The following NCAPH variants were observed in gnomAD, a reference collection of about 807,000 sequenced individuals.
NCAPH encodes the protein non-SMC condensin I complex subunit H.
In NCAPH, 38 loss-of-function variants were observed where a neutral mutation model predicts 85.5. That is an observed-to-expected ratio of 0.44 (90% CI 0.34 to 0.58). NCAPH has a LOEUF of 0.58. Among genes scored for constraint, NCAPH ranks in the 20% least tolerant of loss-of-function variants. The pLI, the probability that NCAPH is intolerant of heterozygous loss-of-function variation, is 0.01. For synonymous variants in NCAPH, 301 were observed against 335.1 expected (o/e 0.90, Z 1.11); for missense variants, 789 against 916.6 (o/e 0.86, Z 1.80).
chr2:96,335,996 CG>C, intron 1 of NCAPH, 148 bp downstream of exon 1: 4 of 186,278 alleles, frequency 2.1e-5, no homozygotes, highest in Non-Finnish European at 4.6e-5. Context: ...GAGGCCGGTG[CG>C]GGGGGAGGGG....
intron 1 of NCAPH, among the ~76,000 whole-genome samples, chr2:96,338,241 GAAAAAAAAA>G (rs34560390): frequency 4.9e-5 from 4 of 80,860 alleles, no homozygotes; most frequent in Non-Finnish European, 6.7e-5. Context: ...CTATTTTATT[GAAAAAAAAA>G]AAAAAAAAAA....
At chr2:96,366,144 G>C in intron 14 of NCAPH, 86 bp downstream of exon 14, 5 of 1,430,322 alleles carry the variant, frequency 3.5e-6, no homozygotes, top group Non-Finnish European at 2.9e-6. Context: ...ATCTGAGCTT[G>C]ATTTCTTTTC....
chr2:96,337,642 TCTC>T (rs1161451100), intron 1 of NCAPH, among the ~76,000 whole-genome samples: 1 of 152,138 alleles, frequency 6.6e-6, no homozygotes, highest in African/African-American at 2.4e-5. Context: ...GTGGTCTCGA[TCTC>T]CTGACCTTGT....
At chr2:96,356,515 ATTATT>A (rs2064527290) in intron 9 of NCAPH, among the ~76,000 whole-genome samples, 6 of 152,184 alleles carry the variant, frequency 3.9e-5, no homozygotes, top group Admixed American at 3.3e-4. Flanking sequence ...TCTAAAATTA[ATTATT>A]TTATTGCAGC....
At chr2:96,346,688 A>G (rs2064365928) in intron 6 of NCAPH, among the ~76,000 whole-genome samples, 1 of 152,116 alleles carries the variant, frequency 6.6e-6, no homozygotes, top group African/African-American at 2.4e-5. Context: ...AGAAGGGGTG[A>G]GCTGGAAATG....
Position 96,360,717 on chromosome 2 carries a change from C to T in NCAPH, c.1587+7C>T. The T allele has an allele frequency of 1.9e-6, 3 of 1,613,936 alleles. No homozygotes were observed. The highest frequency in any genetic ancestry group is 2.5e-6 in the Non-Finnish European group (3 of 1,179,942). ...CCTCAAACCAGGCACCAGGGTAAGC[C>T]TATTTCTTGGTTCCTTTAAGCACAC... On this transcript the variant is annotated splice_region_variant and intron_variant, in intron 12 of 17. Coordinates refer to ENST00000240423, the MANE Select transcript of NCAPH (RefSeq NM_015341.5).
At chr2:96,344,014 A>G (rs897725649) in intron 5 of NCAPH, 91 bp from the exon 6 acceptor site, 93 of 1,501,886 alleles carry the variant, frequency 6.2e-5, no homozygotes, top group Non-Finnish European at 8.0e-5. Context: ...ACATGTTTAA[A>G]TTACGACAGG....
intron 6 of NCAPH, 106 bp downstream of exon 6, chr2:96,344,335 C>G (rs1286704318): frequency 7.6e-7 from 1 of 1,314,914 alleles, no homozygotes; most frequent in Admixed American, 2.8e-5. Context: ...GTTTAAGCCT[C>G]AAGGGAGTAA....
chr2:96,371,611 A>AGAG (rs1170781274), intron 17 of NCAPH, among the ~76,000 whole-genome samples: 1 of 152,170 alleles, frequency 6.6e-6, no homozygotes, highest in Non-Finnish European at 1.5e-5. Flanking sequence ...TAAGGGTCCC[A>AGAG]GAGCTCTTGG....
At chr2:96,352,157 G>A (rs1411348456) in intron 7 of NCAPH, 137 bp downstream of exon 7, 4 of 885,686 alleles carry the variant, frequency 4.5e-6, no homozygotes, top group Admixed American at 5.8e-5. Flanking sequence ...ATGCCAAATT[G>A]TGTATCCTTT....
chr2:96,350,910 T>C (rs2064431983), intron 6 of NCAPH, among the ~76,000 whole-genome samples: 1 of 152,226 alleles, frequency 6.6e-6, no homozygotes, highest in South Asian at 2.1e-4. Context: ...TTCTAGCCTC[T>C]TGCTGCACAT....
In NCAPH at chr2:96,341,768, C is replaced by T. The variant is rs766680864; in HGVS notation, c.146C>T (p.Thr49Ile). The T allele has an allele frequency of 1.2e-6, 2 of 1,614,166 alleles. No homozygotes were observed. The highest frequency in any genetic ancestry group is 1.1e-5 in the South Asian group (1 of 91,084). ...PRKAPLNIPG[T>I]PVLEDFPQND... is the part of the protein sequence containing the mutation. ...AAGGCGCCTCTCAATATTCCTGGCA[C>T]CCCAGTCCTCGAAGACTTTCCTCAG... Residue 49 changes from threonine (T) to isoleucine (I), a missense_variant, in exon 2 of 18, where the codon ACC becomes ATC. Coordinates refer to ENST00000240423, the MANE Select transcript of NCAPH (RefSeq NM_015341.5).
chr2:96,354,078 A>C, intron 8 of NCAPH, 105 bp from the exon 9 acceptor site: 3 of 1,114,602 alleles, frequency 2.7e-6, no homozygotes, highest in Non-Finnish European at 4.0e-6. Flanking sequence ...CAGGGGAAGG[A>C]GGAGGCTGGA....
intron 9 of NCAPH, among the ~76,000 whole-genome samples, chr2:96,355,664 C>T (rs1386433891): frequency 6.8e-6 from 1 of 147,152 alleles, no homozygotes; most frequent in Non-Finnish European, 1.5e-5. Flanking sequence ...TTTTTTGAGA[C>T]AGAGTCTCGG....
intron 1 of NCAPH, 46 bp from the exon 2 acceptor site, chr2:96,341,596 A>G: frequency 1.3e-6 from 2 of 1,585,288 alleles, no homozygotes; most frequent in Non-Finnish European, 1.7e-6. Flanking sequence ...CTTTGGATAT[A>G]GGAAATGTTC....
chr2:96,345,368 C>T (rs1041233892), intron 6 of NCAPH, among the ~76,000 whole-genome samples: 9 of 152,136 alleles, frequency 5.9e-5, no homozygotes, highest in Non-Finnish European at 7.3e-5. Flanking sequence ...GACCCTGGAA[C>T]GGGGGCATGC....
chr2:96,366,168 C>G (rs189582089), intron 14 of NCAPH, 110 bp downstream of exon 14: 1 of 1,246,448 alleles, frequency 8.0e-7, no homozygotes, highest in African/African-American at 1.5e-5. Context: ...TCAGTTTTAA[C>G]CTGTTGCTCT....
rs2104402601 is a variant in NCAPH, at chr2:96,335,791, C to CGCGCGATTTAAAA, written c.-38_-26dup. ...GTTACGGCGCTCAGGCGTCTCGACG[C>CGCGCGATTTAAAA]GCGCGATTTAAAACCAGCTCAGGAG... On this transcript the variant is annotated 5_prime_UTR_variant, in exon 1 of 18. Coordinates refer to ENST00000240423, the MANE Select transcript of NCAPH (RefSeq NM_015341.5). 8 of 1,471,962 alleles carry CGCGCGATTTAAAA rather than the reference C, an allele frequency of 5.4e-6. No individual in the cohort carries two copies. The South Asian group carries it at 1.1e-4, about 19-fold the overall frequency. 91.2% of individuals were successfully genotyped at this position (1,471,962 alleles called of 1,614,324 possible).
At chr2:96,338,054 G>C (rs2064239029) in intron 1 of NCAPH, among the ~76,000 whole-genome samples, 2 of 151,752 alleles carry the variant, frequency 1.3e-5, no homozygotes, top group African/African-American at 4.8e-5. Flanking sequence ...AGCCTACCGA[G>C]TAGCTGGGAT....
Sources: allele counts gnomAD v4.1 joint callset (sites outside exome capture counted in the v4.1 genomes callset), GRCh38; gene constraint gnomAD v4.1.1; transcripts MANE v1.5; gene names NCBI Gene and HGNC (gene_info 2026-07-23, HGNC 2026-07-21).